Variants in F5 observed in about 807,000 individuals in gnomAD.
The protein encoded by F5 is activated protein c cofactor.
A neutral mutation model predicts 216.4 loss-of-function variants in F5; 138 were observed. The observed-to-expected ratio is 0.64, with a 90% CI of 0.56 to 0.73. The LOEUF is 0.73. Among genes scored for constraint, F5 ranks in the 30% least tolerant of loss-of-function variants. The probability of loss-of-function intolerance (pLI) is 0.00; values close to 1 mark genes in which losing one functional copy is unlikely to be tolerated. For missense variants in F5, 2,403 were observed against 2,674.0 expected, an observed-to-expected ratio of 0.90 and a Z score of 2.24; for synonymous variants, 916 against 930.7, an observed-to-expected ratio of 0.98 and a Z score of 0.29.
chr1:169,548,735 G>C (rs532144106), intron 10 of F5, among the ~76,000 whole-genome samples: 14 of 151,908 alleles, frequency 9.2e-5, no homozygotes, highest in Middle Eastern at 3.2e-3. Context: ...TGGGGGTGGT[G>C]GCGGGCGCCT....
chr1:169,516,012 T>C (rs182180299), intron 23 of F5, among the ~76,000 whole-genome samples: 1 of 152,284 alleles, frequency 6.6e-6, no homozygotes, highest in East Asian at 1.9e-4. Context: ...TGCTAAATTA[T>C]CTGTGAATAT....
intron 15 of F5, among the ~76,000 whole-genome samples, chr1:169,530,169 A>G (rs1335487823): frequency 6.6e-6 from 1 of 152,226 alleles, no homozygotes; most frequent in Non-Finnish European, 1.5e-5. Flanking sequence ...CATTCATTGA[A>G]CAAATATTTA....
At chr1:169,554,306 C>T (rs1345360788) in intron 7 of F5, among the ~76,000 whole-genome samples, 2 of 152,198 alleles carry the variant, frequency 1.3e-5, no homozygotes, top group Non-Finnish European at 2.9e-5. Context: ...TATGTATACA[C>T]GCTATACTAC....
At chr1:169,528,601 A>G (rs1659515438) in intron 16 of F5, among the ~76,000 whole-genome samples, 1 of 152,296 alleles carries the variant, frequency 6.6e-6, no homozygotes, top group East Asian at 1.9e-4. Context: ...TCCAGCAACC[A>G]TAGCAAGTCA....
At chr1:169,566,041 A>T (rs1364959838) in intron 3 of F5, among the ~76,000 whole-genome samples, 2 of 152,258 alleles carry the variant, frequency 1.3e-5, no homozygotes, top group East Asian at 3.9e-4. Flanking sequence ...TCTGTGAAAG[A>T]TTACAAAAGA....
At position 169,530,818 on chromosome 1, in the gene F5, G is replaced by A. The variant is rs202197877; in HGVS notation, c.5176C>T (p.Arg1726Trp). Reference protein sequence around the residue: ...SGPESPGSACRAWAYYSAVNP... With the variant: ...SGPESPGSACWAWAYYSAVNP... ...ACAGCTGAGTAGTAGGCCCAAGCCCGACAGGCAGAGCCAGGACTTTCTGGC... is the reference window on the plus strand; with the variant it reads ...ACAGCTGAGTAGTAGGCCCAAGCCCAACAGGCAGAGCCAGGACTTTCTGGC... The change falls in exon 15 of 25, where the codon CGG becomes TGG. Residue 1726 changes from arginine (R) to tryptophan (W), a missense_variant. By Grantham distance (101) the Arg-to-Trp change is moderately radical (BLOSUM62 -3). Transcript: ENST00000367797. 1.5e-5 allele frequency: 24 copies of A among 1,613,860 alleles called. No homozygotes were observed. The highest frequency in any genetic ancestry group is 2.2e-5 in the South Asian group (2 of 91,064).
intron 24 of F5, 127 bp downstream of exon 24, chr1:169,515,317 G>T: frequency 8.5e-7 from 1 of 1,171,364 alleles, no homozygotes; most frequent in Non-Finnish European, 1.3e-6. Flanking sequence ...GGCACCTTAA[G>T]AACTAAGATT....
chr1:169,571,658 A>C (rs9332531), intron 3 of F5, among the ~76,000 whole-genome samples: 41,885 of 151,960 alleles, frequency 0.28, 6,091 homozygotes, highest in South Asian at 0.36. Context: ...AACCCAACCA[A>C]TTTCCTGTTT....
At chr1:169,569,711 C>T (rs1305281937) in intron 3 of F5, among the ~76,000 whole-genome samples, 2 of 152,018 alleles carry the variant, frequency 1.3e-5, no homozygotes, top group African/African-American at 4.8e-5. Context: ...TTACAAATCA[C>T]CGTTTGTCCA....
At chr1:169,531,061 A>G (rs1307217855) in intron 14 of F5, 39 bp from the exon 15 acceptor site, 2 of 1,503,238 alleles carry the variant, frequency 1.3e-6, no homozygotes, top group African/African-American at 2.7e-5. Context: ...CTTAAGCTTA[A>G]CAAAAATCTA....
Position 169,532,188 on chromosome 1 carries a change from G to A in F5, c.4972-1166C>T, listed in dbSNP as rs150880175. Among the ~76,000 whole-genome samples, 223 of 152,172 alleles carry A rather than the reference G, an allele frequency of 1.5e-3. 1 individual carries two copies. Among genetic ancestry groups the A allele is most frequent in the African/African-American group, 5.1e-3 (210 of 41,530 alleles). ...ACCCTCAACAAACTAGGCATTGAAG[G>A]AACATACTTCAAACTAATAGGAGCC... On this transcript the variant is annotated intron_variant, in intron 14 of 24. Coordinates refer to ENST00000367797, the MANE Select transcript of F5 (RefSeq NM_000130.5).
Position 169,529,616 on chromosome 1 carries a change from T to A in F5, c.5411A>T (p.Glu1804Val). 1 of 1,613,516 alleles carries A rather than the reference T, an allele frequency of 6.2e-7. No individual in the cohort carries two copies. Among genetic ancestry groups the A allele is most frequent in the South Asian group, 1.1e-5 (1 of 91,074 alleles). ...AAGTCTGAGGAAAATACCGTGAAAC[T>A]CATGGGATTTTTTCATTTCTGAGGA... ...LTSSEMKKSHEFHAINGMIYS... is the reference protein window; with the variant it reads ...LTSSEMKKSHVFHAINGMIYS... Residue 1804 changes from glutamate to valine, a missense_variant, in exon 16 of 25, where the codon GAG (glutamate) becomes GTG (valine). This residue lies in a region of F5 where 659 missense variants were observed against 787.9 expected (regional missense o/e 0.84). Transcript: ENST00000367797.
chr1:169,528,974 C>T (rs563747277), intron 16 of F5, among the ~76,000 whole-genome samples: 1 of 152,314 alleles, frequency 6.6e-6, no homozygotes, highest in East Asian at 1.9e-4. Context: ...ATTCATAACA[C>T]AAGCTCGTAC....
At chr1:169,515,689 C>T (rs909714054) in intron 23 of F5, 63 bp from the exon 24 acceptor site, 5 of 1,536,966 alleles carry the variant, frequency 3.3e-6, no homozygotes, top group Admixed American at 3.4e-5. Context: ...TTTTTTTAGA[C>T]CAAGTTATGC....
intron 13 of F5, among the ~76,000 whole-genome samples, chr1:169,539,661 A>G (rs537961099): frequency 6.6e-6 from 1 of 152,306 alleles, no homozygotes; most frequent in South Asian, 2.1e-4. Context: ...AGCTTTAGTA[A>G]AAGCTGTGGG....
At chr1:169,549,114 T>C (rs1047430789) in intron 10 of F5, among the ~76,000 whole-genome samples, 3 of 152,216 alleles carry the variant, frequency 2.0e-5, no homozygotes, top group East Asian at 1.9e-4. Context: ...ATTTCTGCTT[T>C]TTCTAGGCAT....
chr1:169,586,231 T>C lies in F5; in HGVS notation c.156A>G (p.Ser52=), dbSNP rs757375570. 3.7e-6 allele frequency: 6 copies of C among 1,614,002 alleles called. No homozygotes were observed. The African/African-American group carries it at 6.7e-5, about 18-fold the overall frequency. The part of the protein sequence containing the change: ...SWSYRPEPTN[S]SLNLSVTSFK... ...CCCGGACTCCACACCTGAGTTACCT[T>C]GAGTTTGTGGGCTCAGGTCGGTAGC... The change falls in exon 1 of 25, where the codon TCA becomes TCG. Residue 52 remains serine, a splice_region_variant and synonymous_variant. Transcript: ENST00000367797.
rs3035292 is a variant in F5, at chr1:169,577,560, A to AATATATATATATAT, written c.250+4857_250+4870dup. 4.4e-3 allele frequency among the ~76,000 whole-genome samples: 237 copies of AATATATATATATAT among 54,396 alleles called. 4 individuals are homozygous for AATATATATATATAT. The highest frequency in any genetic ancestry group is 5.4e-3 in the South Asian group (5 of 924). The allele number at this position is 54,396 out of a possible 152,430, so 35.7% of individuals were successfully genotyped here. A position where few individuals can be genotyped will look rare whatever the true frequency, so the allele number is the denominator to read the frequency against. On this transcript the variant is annotated intron_variant, in intron 2 of 24. Coordinates refer to ENST00000367797, the MANE Select transcript of F5 (RefSeq NM_000130.5). ...TGTACCACCATGTCTGGCTAATTTA[A>AATATATATATATAT]ATATATATATATATATATATATATA...
chr1:169,550,288 A>T (rs138954726), intron 9 of F5, among the ~76,000 whole-genome samples: 14 of 72,186 alleles, frequency 1.9e-4, no homozygotes, highest in South Asian at 1.1e-3. Flanking sequence ...CCCGCCCCCC[A>T]CCCCCCCCCC....
Sources: gnomAD v4.1 joint callset for allele counts (sites outside exome capture counted in the v4.1 genomes callset) on GRCh38, gnomAD v4.1.1 for gene constraint, gnomAD v4.1.1 regional missense constraint, MANE v1.5 for transcripts, NCBI Gene and HGNC (gene_info 2026-07-23, HGNC 2026-07-21) for gene names.